DIXDC1: variants seen among roughly 807,000 people sequenced by gnomAD.
DIXDC1 encodes DIX domain containing 1, also known as dixin.
DIXDC1 carries 64 observed loss-of-function variants against 103.1 expected under a neutral mutation model. That is an observed-to-expected ratio of 0.62 (90% CI 0.51 to 0.76). The LOEUF is 0.76. DIXDC1 is among the 30% of genes least tolerant of loss of function. The probability of loss-of-function intolerance (pLI) is 0.00; values close to 1 mark genes in which losing one functional copy is unlikely to be tolerated. For missense variants in DIXDC1, 759 were observed against 834.2 expected (o/e 0.91, Z 1.11); for synonymous variants, 266 against 298.5 (o/e 0.89, Z 1.12).
intron 1 of DIXDC1, among the ~76,000 whole-genome samples, chr11:111,956,831 AAAAT>A (rs1354401926): frequency 6.6e-6 from 1 of 152,144 alleles, no homozygotes; most frequent in Non-Finnish European, 1.5e-5. Context: ...GCAGAAATAA[AAAAT>A]AAAGTAAATA....
rs200240923 is a variant in DIXDC1 at position 111,994,608 on chromosome 11, GTA to G, written c.1438-407_1438-406del. Among the ~76,000 whole-genome samples the G allele has an allele frequency of 9.0e-3, 1,362 of 151,132 alleles. 11 individuals are homozygous for G. The highest frequency in any genetic ancestry group is 0.03 in the African/African-American group (1,248 of 41,222). ...ATATTATGTATGTATATGTATGTAT[GTA>G]TATGTATGTGTATATATATGTATGA... On this transcript the variant is annotated intron_variant, in intron 14 of 19. Transcript: ENST00000440460.
At chr11:111,982,172 C>A in intron 6 of DIXDC1, 167 bp from the exon 7 acceptor site, 1 of 611,748 alleles carries the variant, frequency 1.6e-6, no homozygotes, top group South Asian at 2.8e-5. Flanking sequence ...AGCTCACAGC[C>A]AATTCTTTAG....
intron 3 of DIXDC1, among the ~76,000 whole-genome samples, chr11:111,970,619 G>A (rs587741128): frequency 4.7e-5 from 7 of 149,004 alleles, no homozygotes; most frequent in South Asian, 2.1e-4. Context: ...CCAAGATTGC[G>A]CCACTACACT....
Position 111,977,559 on chromosome 11 carries a change from A to G in DIXDC1, c.656+2576A>G. 1 of 1,482,278 alleles carries G rather than the reference A, an allele frequency of 6.7e-7. No homozygotes were observed. Among genetic ancestry groups the G allele is most frequent in the Non-Finnish European group, 9.0e-7 (1 of 1,116,314 alleles). The allele number at this position is 1,482,278 out of a possible 1,614,324, so 91.8% of individuals were successfully genotyped here. A position where few individuals can be genotyped will look rare whatever the true frequency, so the allele number is the denominator to read the frequency against. On this transcript the variant is annotated intron_variant, in intron 5 of 19. Transcript: ENST00000440460. The surrounding 1 kb of genome is among the most constrained non-coding windows in gnomAD (Gnocchi z 6.1). Reference sequence around the variant, plus strand: ...GACTGCGCGCTTCAGAGCCTGGAGCATCCCAGTCGCTGGGGCCGAGACGCC... The same window carrying G: ...GACTGCGCGCTTCAGAGCCTGGAGCGTCCCAGTCGCTGGGGCCGAGACGCC...
intron 1 of DIXDC1, among the ~76,000 whole-genome samples, chr11:111,942,890 CAT>C (rs1264185503): frequency 6.6e-6 from 1 of 152,142 alleles, no homozygotes; most frequent in Non-Finnish European, 1.5e-5. Flanking sequence ...TGTTTCTCTT[CAT>C]GTTTTCTACC....
intron 17 of DIXDC1, among the ~76,000 whole-genome samples, chr11:112,004,867 A>G (rs1555176433): frequency 2.6e-5 from 4 of 151,864 alleles, no homozygotes. Context: ...AACTGTCCCT[A>G]CCGATGGCCT....
chr11:112,007,723 G>A (rs587726391), intron 17 of DIXDC1, among the ~76,000 whole-genome samples: 91 of 152,218 alleles, frequency 6.0e-4, no homozygotes, highest in African/African-American at 2.0e-3. Context: ...CATAAGTGAA[G>A]GAGAAATAAA....
At chr11:111,961,908 C>T (rs1859591191) in intron 1 of DIXDC1, among the ~76,000 whole-genome samples, 1 of 152,238 alleles carries the variant, frequency 6.6e-6, no homozygotes. Context: ...TTTGAGCTCA[C>T]TGTCCTCTTT....
Position 111,974,004 on chromosome 11 carries a change from G to C in DIXDC1, c.317-19G>C. The C allele has an allele frequency of 6.2e-7, 1 of 1,611,822 alleles. No individual in the cohort carries two copies. The highest frequency in any genetic ancestry group is 8.5e-7 in the Non-Finnish European group (1 of 1,178,642). The stretch of plus-strand genomic sequence containing the variant: ...GGACCTCTTGGTCTGTTTTATTCTT[G>C]GTCCGTTTTATCCTTCAGATATTGT... On this transcript the variant is annotated intron_variant, in intron 3 of 19. Transcript: ENST00000440460.
intron 1 of DIXDC1, among the ~76,000 whole-genome samples, chr11:111,940,437 A>G (rs1427989633): frequency 6.6e-6 from 1 of 152,136 alleles, no homozygotes; most frequent in Non-Finnish European, 1.5e-5. Context: ...CCCAATCTGC[A>G]TCTGCCTCAA....
chr11:112,012,647 A>G (rs1159752429), intron 17 of DIXDC1, among the ~76,000 whole-genome samples: 1 of 152,238 alleles, frequency 6.6e-6, no homozygotes, highest in African/African-American at 2.4e-5. Flanking sequence ...GTAGATATAC[A>G]CAAGGATATG....
At chr11:111,945,311 T>A (rs1966556008) in intron 1 of DIXDC1, among the ~76,000 whole-genome samples, 1 of 152,248 alleles carries the variant, frequency 6.6e-6, no homozygotes, top group South Asian at 2.1e-4. Flanking sequence ...GGAGGAAGAC[T>A]GATTCTATTC....
At chr11:111,981,745 A>G (rs1860313919) in intron 6 of DIXDC1, among the ~76,000 whole-genome samples, 1 of 152,246 alleles carries the variant, frequency 6.6e-6, no homozygotes, top group Non-Finnish European at 1.5e-5. Flanking sequence ...ATGGCTGTAC[A>G]TACAATTAGA....
chr11:111,946,720 G>C (rs1966610377), intron 1 of DIXDC1: 1 of 424,348 alleles, frequency 2.4e-6, no homozygotes, highest in Non-Finnish European at 4.8e-6. Flanking sequence ...AGGTGTCACA[G>C]CAGGAACTCA....
At chr11:111,941,872 A>C (rs587766039) in intron 1 of DIXDC1, among the ~76,000 whole-genome samples, 31 of 150,934 alleles carry the variant, frequency 2.1e-4, no homozygotes, top group Middle Eastern at 3.4e-3. Flanking sequence ...ACACACACAC[A>C]CCCACGAAGA....
upstream of DIXDC1, chr11:111,937,140 G>GGGGT (rs1566450832): frequency 1.6e-5 from 12 of 749,802 alleles, no homozygotes; most frequent in African/African-American, 1.4e-4. Context: ...GCGGGGGGGG[G>GGGGT]GTGTGCGCGT....
At chr11:111,982,230 A>G (rs1860328795) in intron 6 of DIXDC1, 109 bp from the exon 7 acceptor site, 2 of 1,234,902 alleles carry the variant, frequency 1.6e-6, no homozygotes, top group Non-Finnish European at 2.2e-6. Flanking sequence ...CTATGAGAAC[A>G]GGTTCAGAAC....
At chr11:112,011,194 C>G (rs1423454498) in intron 17 of DIXDC1, among the ~76,000 whole-genome samples, 13 of 152,162 alleles carry the variant, frequency 8.5e-5, no homozygotes, top group African/African-American at 2.4e-4. Context: ...CCAACAGACA[C>G]ATGAAAAAAT....
At chr11:111,968,377 C>T in intron 2 of DIXDC1, 136 bp from the exon 3 acceptor site, 1 of 924,544 alleles carries the variant, frequency 1.1e-6, no homozygotes. Context: ...TGACAAACAC[C>T]AGGACTTAAC....
Sources: gnomAD v4.1 joint callset for allele counts (sites outside exome capture counted in the v4.1 genomes callset) on GRCh38, gnomAD v4.1.1 for gene constraint, Gnocchi (gnomAD v3.1) non-coding constraint, MANE v1.5 for transcripts, NCBI Gene and HGNC (gene_info 2026-07-23, HGNC 2026-07-21) for gene names.